Variants in MAGI2 observed in about 807,000 individuals in gnomAD.
MAGI2 encodes membrane associated guanylate kinase, WW and PDZ domain containing 2, also known as membrane-associated guanylate kinase, WW and PDZ domain-containing protein 2.
In MAGI2, 35 loss-of-function variants were observed where a neutral mutation model predicts 133.3. The observed-to-expected ratio is 0.26, with a 90% CI of 0.20 to 0.35. MAGI2 has a LOEUF of 0.35. MAGI2 is among the 10% of genes least tolerant of loss of function. The pLI is 1.00. For synonymous variants in MAGI2, 729 were observed against 710.6 expected (o/e 1.03, Z -0.41); for missense variants, 1,636 against 1,863.4 (o/e 0.88, Z 2.25).
intron 2 of MAGI2, among the ~76,000 whole-genome samples, chr7:78,857,305 G>A (rs1793741387): frequency 6.6e-6 from 1 of 152,138 alleles, no homozygotes; most frequent in South Asian, 2.1e-4. Flanking sequence ...TAGGAGTGGT[G>A]AGAGAGGGCA....
At chr7:79,444,828 T>C (rs1848732340) in intron 1 of MAGI2, among the ~76,000 whole-genome samples, 1 of 152,170 alleles carries the variant, frequency 6.6e-6, no homozygotes, top group Non-Finnish European at 1.5e-5. Flanking sequence ...AAAGTTCATA[T>C]GGAACCAAAA....
intron 10 of MAGI2, among the ~76,000 whole-genome samples, chr7:78,206,290 CTTTCTTT>C (rs1289240274): frequency 2.7e-5 from 3 of 111,246 alleles, no homozygotes; most frequent in Non-Finnish European, 3.8e-5. Flanking sequence ...TTTCCTTTTC[CTTTCTTT>C]TTTTTTTTTT....
intron 7 of MAGI2, among the ~76,000 whole-genome samples, chr7:78,364,530 C>T (rs564836558): frequency 1.3e-5 from 2 of 152,308 alleles, no homozygotes; most frequent in Admixed American, 1.3e-4. Context: ...AGATGTGTGA[C>T]ATCACATGAA....
At chr7:79,029,713 C>G (rs1270493872) in intron 1 of MAGI2, among the ~76,000 whole-genome samples, 1 of 152,014 alleles carries the variant, frequency 6.6e-6, no homozygotes, top group African/African-American at 2.4e-5. Flanking sequence ...AAAATATTAC[C>G]TGTTTCAAAG....
intron 21 of MAGI2, among the ~76,000 whole-genome samples, chr7:78,057,174 A>C (rs1812671915): frequency 6.6e-6 from 1 of 151,790 alleles, no homozygotes; most frequent in Non-Finnish European, 1.5e-5. Flanking sequence ...CACACTTGCA[A>C]TCCCACAAAC....
intron 1 of MAGI2, among the ~76,000 whole-genome samples, chr7:79,405,523 G>GT: frequency 6.6e-6 from 1 of 152,192 alleles, no homozygotes; most frequent in Middle Eastern, 3.4e-3. Flanking sequence ...GGAAACAAAA[G>GT]TTCAAACAGT....
At chr7:78,786,053 G>A (rs993652079) in intron 2 of MAGI2, among the ~76,000 whole-genome samples, 2 of 151,732 alleles carry the variant, frequency 1.3e-5, no homozygotes, top group Non-Finnish European at 2.9e-5. Flanking sequence ...TATTAGAGGT[G>A]GTAATCAACC....
At chr7:79,395,174 GATC>G (rs2129155705) in intron 1 of MAGI2, among the ~76,000 whole-genome samples, 1 of 152,214 alleles carries the variant, frequency 6.6e-6, no homozygotes, top group South Asian at 2.1e-4. Flanking sequence ...AATTAGAAAA[GATC>G]ATATTTTCTT....
Position 78,019,229 on chromosome 7 carries a change from A to G in MAGI2, c.*86T>C. On this transcript the variant is annotated 3_prime_UTR_variant, in exon 22 of 22. Transcript: ENST00000354212. ...TGCCTCGTGGATCTATGCGTGTGAC[A>G]GTGAAAATAAATTAAAACGCCGTGA... 1 of 1,454,396 alleles carries G rather than the reference A, an allele frequency of 6.9e-7. No individual in the cohort carries two copies. The highest frequency in any genetic ancestry group is 9.3e-7 in the Non-Finnish European group (1 of 1,075,172). 90.1% of individuals were successfully genotyped at this position (1,454,396 alleles called of 1,614,324 possible).
At chr7:78,197,783 T>G (rs777967814) in intron 11 of MAGI2, 14 of 152,324 alleles carry the variant, frequency 9.2e-5, no homozygotes, top group Admixed American at 6.5e-4. Context: ...AGACATATTA[T>G]TCTGTTCCCC....
At chr7:78,573,227 A>ATAAATATAT (rs1801769784) in intron 3 of MAGI2, among the ~76,000 whole-genome samples, 1 of 58,970 alleles carries the variant, frequency 1.7e-5, no homozygotes, top group African/African-American at 8.6e-5. Flanking sequence ...AATATATATA[A>ATAAATATAT]ATATAAATAT....
In MAGI2 at chr7:79,011,924, C is replaced by CCTTCCTTCCTTTCTTTCTTTCTTT. The variant is rs1413880167; in HGVS notation, c.302-4719_302-4718insAAAGAAAGAAAGAAAGGAAGGAAG. Among the ~76,000 whole-genome samples the CCTTCCTTCCTTTCTTTCTTTCTTT allele has an allele frequency of 1.5e-3, 176 of 121,268 alleles. 1 individual carries two copies. The highest frequency in any genetic ancestry group is 0.014 in the East Asian group (58 of 4,070). 79.6% of individuals were successfully genotyped at this position (121,268 alleles called of 152,430 possible). On this transcript the variant is annotated intron_variant, in intron 1 of 21. Transcript: ENST00000354212. ...TCCTTCCTTCCTTCCTTCCTTCCTTCCTTTCTTTCTTTCTTTCTTTCTTTC... is the reference window on the plus strand; with the variant it reads ...TCCTTCCTTCCTTCCTTCCTTCCTTCCTTCCTTCCTTTCTTTCTTTCTTTCTTTCTTTCTTTCTTTCTTTCTTTC...
intron 2 of MAGI2, among the ~76,000 whole-genome samples, chr7:78,908,084 G>A (rs1798114787): frequency 6.6e-6 from 1 of 152,080 alleles, no homozygotes; most frequent in African/African-American, 2.4e-5. Context: ...GGGGAAATGT[G>A]GTATATTTGA....
intron 1 of MAGI2, among the ~76,000 whole-genome samples, chr7:79,245,649 A>T (rs1832765968): frequency 6.6e-6 from 1 of 151,954 alleles, no homozygotes; most frequent in South Asian, 2.1e-4. Flanking sequence ...AAGGTTTCTG[A>T]CTCTAGGCCT....
chr7:78,051,256 C>T (rs1811972268), intron 21 of MAGI2, among the ~76,000 whole-genome samples: 3 of 152,320 alleles, frequency 2.0e-5, no homozygotes, highest in Admixed American at 2.0e-4. Context: ...TACACAGATG[C>T]AGGCAAGCTC....
At chr7:78,421,906 G>A (rs574940405) in intron 6 of MAGI2, among the ~76,000 whole-genome samples, 1 of 152,132 alleles carries the variant, frequency 6.6e-6, no homozygotes, top group Non-Finnish European at 1.5e-5. Context: ...TTCATAAATG[G>A]ATTTGTGTGG....
At chr7:78,140,576 CA>C (rs2150555337) in intron 16 of MAGI2, among the ~76,000 whole-genome samples, 1 of 152,314 alleles carries the variant, frequency 6.6e-6, no homozygotes, top group South Asian at 2.1e-4. Context: ...AACAACATGT[CA>C]TTAGCTTAAA....
At chr7:78,184,818 AATATG>A (rs1003015246) in intron 13 of MAGI2, among the ~76,000 whole-genome samples, 380 of 152,362 alleles carry the variant, frequency 2.5e-3, no homozygotes, top group African/African-American at 8.4e-3. Flanking sequence ...TTAAAATTAA[AATATG>A]ATATTTTAGC....
intron 1 of MAGI2, among the ~76,000 whole-genome samples, chr7:79,307,130 C>T (rs1476327609): frequency 6.6e-6 from 1 of 152,136 alleles, no homozygotes; most frequent in Non-Finnish European, 1.5e-5. Flanking sequence ...AGGGAACTTA[C>T]AATCTGCCTT....
Sources: gnomAD v4.1 joint callset for allele counts (sites outside exome capture counted in the v4.1 genomes callset) on GRCh38, gnomAD v4.1.1 for gene constraint, MANE v1.5 for transcripts, NCBI Gene and HGNC (gene_info 2026-07-23, HGNC 2026-07-21) for gene names.